ZNF562: variants seen among roughly 807,000 people sequenced by gnomAD.
The protein encoded by ZNF562 is zinc finger protein 562.
Under a neutral mutation model 17.5 loss-of-function variants are expected in ZNF562, and 13 were observed. The observed-to-expected ratio is 0.74, with a 90% CI of 0.48 to 1.18. The LOEUF (loss-of-function observed/expected upper bound fraction) is 1.18. ZNF562 is among the 50% of genes most tolerant of loss of function. The pLI, the probability that ZNF562 is intolerant of heterozygous loss-of-function variation, is 0.00. For missense variants in ZNF562, 481 were observed against 498.5 expected, an observed-to-expected ratio of 0.96 and a Z score of 0.33; for synonymous variants, 163 against 165.4, an observed-to-expected ratio of 0.99 and a Z score of 0.11.
Position 9,653,002 on chromosome 19 carries a change from T to C in ZNF562, c.1228A>G (p.Ile410Val), listed in dbSNP as rs777926201. 6.5e-7 allele frequency: 1 copy of C among 1,533,258 alleles called. No individual in the cohort carries two copies. The highest frequency in any genetic ancestry group is 8.8e-7 in the Non-Finnish European group (1 of 1,141,860). 95.0% of individuals were successfully genotyped at this position (1,533,258 alleles called of 1,614,324 possible). The change falls in exon 6 of 6, where the codon ATT becomes GTT. Residue 410 changes from isoleucine to valine, a missense_variant. By Grantham distance (29) the Ile-to-Val change is conservative (BLOSUM62 3). Around this residue, in one of 2 missense-constraint regions of ZNF562, gnomAD observed 78 missense variants for 112.0 expected, o/e 0.70. Transcript: ENST00000453372. ...TGTTTACTACGATGGGAAGAAGTAATGAAGGTCTTCCCACATTCAACACAT... is the reference window on the plus strand; with the variant it reads ...TGTTTACTACGATGGGAAGAAGTAACGAAGGTCTTCCCACATTCAACACAT... The part of the protein sequence containing the change: ...YECVECGKTF[I>V]TSSHRSKHLK...
intron 1 of ZNF562, among the ~76,000 whole-genome samples, chr19:9,672,448 AAG>A (rs1202675387): frequency 2.0e-5 from 3 of 152,198 alleles, no homozygotes; most frequent in Non-Finnish European, 4.4e-5. Context: ...CATGAGGAGA[AAG>A]AAATAAAATG....
Position 9,653,273 on chromosome 19 carries a change from C to A in ZNF562, c.957G>T (p.Thr319=). 1 of 1,614,142 alleles carries A rather than the reference C, an allele frequency of 6.2e-7. No individual in the cohort carries two copies. The highest frequency in any genetic ancestry group is 8.5e-7 in the Non-Finnish European group (1 of 1,180,032). ...IHTGIKPHKC[T]ECGKAFTRST... ...ATCTAGTGAAGGCTTTCCCACATTC[C>A]GTACATTTGTGTGGTTTTATTCCAG... is the stretch of plus-strand genomic sequence containing the variant. Residue 319 remains threonine (T), a synonymous_variant, in exon 6 of 6, where the codon ACG becomes ACT. Coordinates refer to ENST00000453372, the MANE Select transcript of ZNF562 (RefSeq NM_001130031.2).
In ZNF562 at chr19:9,652,860, C is replaced by T; in HGVS notation, c.*89G>A. The T allele has an allele frequency of 7.7e-7, 1 of 1,294,660 alleles. No individual in the cohort carries two copies. Among genetic ancestry groups the T allele is most frequent in the Admixed American group, 2.6e-5 (1 of 37,776 alleles). 80.2% of individuals were successfully genotyped at this position (1,294,660 alleles called of 1,614,324 possible). On this transcript the variant is annotated 3_prime_UTR_variant, in exon 6 of 6. Coordinates refer to ENST00000453372, the MANE Select transcript of ZNF562 (RefSeq NM_001130031.2). ...CATGAGGAAAGAGCAAATGCTTTCC[C>T]AAATTCTTTACATACAAAAGGTTTC...
intron 1 of ZNF562, among the ~76,000 whole-genome samples, chr19:9,663,804 G>A (rs2043848289): frequency 6.6e-6 from 1 of 152,006 alleles, no homozygotes; most frequent in African/African-American, 2.4e-5. Flanking sequence ...AGCCTCTCAA[G>A]TAGCTGGGAC....
chr19:9,652,608 C>G lies in ZNF562; in HGVS notation c.*341G>C, dbSNP rs1465445907. 2 of 181,192 alleles carry G rather than the reference C, an allele frequency of 1.1e-5. No homozygotes were observed. The highest frequency in any genetic ancestry group is 2.3e-5 in the Non-Finnish European group (2 of 86,488). 11.2% of individuals were successfully genotyped at this position (181,192 alleles called of 1,614,324 possible). A position where few individuals can be genotyped will look rare whatever the true frequency, so the allele number is the denominator to read the frequency against. Reference sequence around the variant, plus strand: ...TCACAGATGCCCAGACTCAGGTAACCATGATGTTGTATTCAGAACCTGTAG... The same window carrying G: ...TCACAGATGCCCAGACTCAGGTAACGATGATGTTGTATTCAGAACCTGTAG... On this transcript the variant is annotated 3_prime_UTR_variant, in exon 6 of 6. Coordinates refer to ENST00000453372, the MANE Select transcript of ZNF562 (RefSeq NM_001130031.2).
chr19:9,652,910 G>A lies in ZNF562; in HGVS notation c.*39C>T. 6.8e-7 allele frequency: 1 copy of A among 1,465,246 alleles called. No homozygotes were observed. 90.8% of individuals were successfully genotyped at this position (1,465,246 alleles called of 1,614,324 possible). ...CTCTCTGGTAGGAGTTCACAGGTGG[G>A]GTGAGGAATACAGAAATTCTTTCCC... On this transcript the variant is annotated 3_prime_UTR_variant, in exon 6 of 6. Transcript: ENST00000453372.
Position 9,653,454 on chromosome 19 carries a change from G to C in ZNF562, c.776C>G (p.Ser259Cys), listed in dbSNP as rs1305809509. ...QCVAVHTGKK[S>C]EKTKNCGKSF... ...TTTCCCACAGTTCTTAGTCTTTTCG[G>C]ATTTCTTTCCAGTATGAACTGCTAC... is the stretch of plus-strand genomic sequence containing the variant. The change falls in exon 6 of 6, where the codon TCC becomes TGC. Residue 259 changes from serine (S) to cysteine (C), a missense_variant. By Grantham distance (112) the Ser-to-Cys change is moderately radical. Transcript: ENST00000453372. The C allele has an allele frequency of 2.5e-6, 4 of 1,614,176 alleles. No homozygotes were observed. The East Asian group carries it at 8.9e-5, about 36-fold the overall frequency.
rs1011944948 is a variant in ZNF562 at position 9,647,912 on chromosome 19, T to C, written c.*5037A>G. 2.0e-5 allele frequency: 3 copies of C among 152,036 alleles called. No individual in the cohort carries two copies. The highest frequency in any genetic ancestry group is 2.9e-5 in the Non-Finnish European group (2 of 68,002). The allele number at this position is 152,036 out of a possible 1,614,324, so 9.4% of individuals were successfully genotyped here. A position where few individuals can be genotyped will look rare whatever the true frequency, so the allele number is the denominator to read the frequency against. On this transcript the variant is annotated 3_prime_UTR_variant, in exon 6 of 6. Coordinates refer to ENST00000453372, the MANE Select transcript of ZNF562 (RefSeq NM_001130031.2). Reference sequence around the variant, plus strand: ...AACAAACCAAAAAAATGAAAATATCTTGTAGTATTTTTAAATAGAGATGTG... The same window carrying C: ...AACAAACCAAAAAAATGAAAATATCCTGTAGTATTTTTAAATAGAGATGTG...
rs970365630 is a variant in ZNF562 at position 9,643,178 on chromosome 19, A to G, written c.*9771T>C. The stretch of plus-strand genomic sequence containing the variant: ...AGACCATCCTGGCCAACATGGCAAA[A>G]CCCCGCCTCTACTGAAAATACAAAA... On this transcript the variant is annotated 3_prime_UTR_variant, in exon 6 of 6. Coordinates refer to ENST00000453372, the MANE Select transcript of ZNF562 (RefSeq NM_001130031.2). 6.6e-6 allele frequency: 1 copy of G among 151,472 alleles called. No individual in the cohort carries two copies. The highest frequency in any genetic ancestry group is 1.5e-5 in the Non-Finnish European group (1 of 67,696). 9.4% of individuals were successfully genotyped at this position (151,472 alleles called of 1,614,324 possible).
intron 3 of ZNF562, 90 bp downstream of exon 3, chr19:9,659,289 A>C (rs554930519): frequency 1.7e-6 from 2 of 1,204,898 alleles, no homozygotes; most frequent in African/African-American, 3.1e-5. Context: ...GCTCTAAGAA[A>C]ACTCTGGAGA....
intron 1 of ZNF562, among the ~76,000 whole-genome samples, chr19:9,668,645 A>T (rs1269006416): frequency 1.3e-5 from 2 of 152,210 alleles, no homozygotes; most frequent in Non-Finnish European, 2.9e-5. Context: ...AAAAGACTTC[A>T]AACAGCCAAA....
chr19:9,660,656 C>G, intron 2 of ZNF562, 64 bp downstream of exon 2: 1 of 1,543,450 alleles, frequency 6.5e-7, no homozygotes, highest in Non-Finnish European at 8.8e-7. Flanking sequence ...GCTCACTGGA[C>G]TCTTATGTTG....
chr19:9,667,734 G>T (rs958228482), intron 1 of ZNF562, among the ~76,000 whole-genome samples: 2 of 152,022 alleles, frequency 1.3e-5, no homozygotes, highest in African/African-American at 4.8e-5. Context: ...AGAACCACAG[G>T]CATGTGTGAC....
At position 9,648,675 on chromosome 19, in the gene ZNF562, G is replaced by GT. The variant is rs1384241019; in HGVS notation, c.*4273dup. 2.9e-3 allele frequency: 385 copies of GT among 132,744 alleles called. 1 individual carries two copies. The highest frequency in any genetic ancestry group is 3.3e-3 in the South Asian group (14 of 4,190). 8.2% of individuals were successfully genotyped at this position (132,744 alleles called of 1,614,324 possible). On this transcript the variant is annotated 3_prime_UTR_variant, in exon 6 of 6. Coordinates refer to ENST00000453372, the MANE Select transcript of ZNF562 (RefSeq NM_001130031.2). ...CAAGTTTTTTTTTTGTTTTGTTTTT[G>GT]TTTTTTTTTTTGAGATGGGGTCTTG...
Position 9,652,839 on chromosome 19 carries a change from A to G in ZNF562, c.*110T>C. ...ATTCTTTCATGCATACTTAGGCATG[A>G]GGAAAGAGCAAATGCTTTCCCAAAT... On this transcript the variant is annotated 3_prime_UTR_variant, in exon 6 of 6. Coordinates refer to ENST00000453372, the MANE Select transcript of ZNF562 (RefSeq NM_001130031.2). 1 of 992,136 alleles carries G rather than the reference A, an allele frequency of 1.0e-6. No individual in the cohort carries two copies. Among genetic ancestry groups the G allele is most frequent in the Admixed American group, 2.8e-5 (1 of 35,822 alleles). 61.5% of individuals were successfully genotyped at this position (992,136 alleles called of 1,614,324 possible).
rs565337569 is a variant in ZNF562, at chr19:9,648,818, A to C, written c.*4131T>G. On this transcript the variant is annotated 3_prime_UTR_variant, in exon 6 of 6. Coordinates refer to ENST00000453372, the MANE Select transcript of ZNF562 (RefSeq NM_001130031.2). The stretch of plus-strand genomic sequence containing the variant: ...GAAGTATTTATTAGGTACCATCATG[A>C]GCTAGGTGCAGTTCTAGGTATTGAG... 1.6e-4 allele frequency: 24 copies of C among 152,214 alleles called. No individual in the cohort carries two copies. Among genetic ancestry groups the C allele is most frequent in the African/African-American group, 5.1e-4 (21 of 41,534 alleles). The allele number at this position is 152,214 out of a possible 1,614,324, so 9.4% of individuals were successfully genotyped here. A position where few individuals can be genotyped will look rare whatever the true frequency, so the allele number is the denominator to read the frequency against.
chr19:9,665,422 G>A (rs764186008), intron 1 of ZNF562, among the ~76,000 whole-genome samples: 2 of 152,058 alleles, frequency 1.3e-5, no homozygotes, highest in Admixed American at 1.3e-4. Context: ...CACCATCCTG[G>A]GTTCCCTGGT....
At chr19:9,673,248 G>T (rs948911898) in intron 1 of ZNF562, among the ~76,000 whole-genome samples, 1 of 152,134 alleles carries the variant, frequency 6.6e-6, no homozygotes, top group African/African-American at 2.4e-5. Context: ...AGACACAGAA[G>T]TAGGGACCCA....
Position 9,650,982 on chromosome 19 carries a change from A to AAAAAAAAAAAAAAAAAAAAAAAAAAAAC in ZNF562, c.*1966_*1967insGTTTTTTTTTTTTTTTTTTTTTTTTTTT. On this transcript the variant is annotated 3_prime_UTR_variant, in exon 6 of 6. Coordinates refer to ENST00000453372, the MANE Select transcript of ZNF562 (RefSeq NM_001130031.2). ...AAAAAAAAAAAAAAAAAAAAAAAAAATCCTGTGTTTTTAACCTCATTGATT... is the reference window on the plus strand; with the variant it reads ...AAAAAAAAAAAAAAAAAAAAAAAAAAAAAAAAAAAAAAAAAAAAAAAAAAAAACTCCTGTGTTTTTAACCTCATTGATT... 1 of 146,146 alleles carries AAAAAAAAAAAAAAAAAAAAAAAAAAAAC rather than the reference A, an allele frequency of 6.8e-6. No individual in the cohort carries two copies. The highest frequency in any genetic ancestry group is 2.2e-4 in the South Asian group (1 of 4,640). 9.1% of individuals were successfully genotyped at this position (146,146 alleles called of 1,614,324 possible).
Sources: allele counts gnomAD v4.1 joint callset (sites outside exome capture counted in the v4.1 genomes callset), GRCh38; gene constraint gnomAD v4.1.1; regional missense constraint gnomAD v4.1.1; transcripts MANE v1.5; gene names NCBI Gene and HGNC (gene_info 2026-07-23, HGNC 2026-07-21).